NOS1AP: variants seen among roughly 807,000 people sequenced by gnomAD.
NOS1AP encodes the protein nitric oxide synthase 1 adaptor protein.
A neutral mutation model predicts 56.2 loss-of-function variants in NOS1AP; 21 were observed. The ratio of observed to expected loss-of-function variants is 0.37; its 90% CI spans 0.26 to 0.54. The LOEUF (loss-of-function observed/expected upper bound fraction) is 0.54, where lower values mean the gene tolerates loss of function less well. Ranked by LOEUF, NOS1AP falls within the 20% of genes least tolerant of loss-of-function variation. The probability of loss-of-function intolerance (pLI) is 0.84; values close to 1 mark genes in which losing one functional copy is unlikely to be tolerated. For missense variants in NOS1AP, 522 were observed against 657.8 expected (o/e 0.79, Z 2.26); for synonymous variants, 270 against 274.6 (o/e 0.98, Z 0.17).
chr1:162,129,478 A>G lies in NOS1AP; in HGVS notation c.106-24927A>G, dbSNP rs542755327. Reference sequence around the variant, plus strand: ...CCTCTCACGTTTTCCCTGCCTAAATATCCTTTGCTTCTATAGATCTATTTG... The same window carrying G: ...CCTCTCACGTTTTCCCTGCCTAAATGTCCTTTGCTTCTATAGATCTATTTG... On this transcript the variant is annotated intron_variant, in intron 1 of 9. Transcript: ENST00000361897. Among the ~76,000 whole-genome samples the G allele has an allele frequency of 8.3e-4, 126 of 152,186 alleles. 1 individual carries two copies. Among genetic ancestry groups the G allele is most frequent in the Admixed American group, 1.8e-3 (28 of 15,278 alleles).
intron 2 of NOS1AP, among the ~76,000 whole-genome samples, chr1:162,258,421 G>C (rs1292995217): frequency 1.3e-5 from 2 of 152,086 alleles, no homozygotes; most frequent in Admixed American, 1.3e-4. Flanking sequence ...ATTCCAAATG[G>C]GTGGGAGACA....
chr1:162,346,741 C>T (rs1657307779), intron 6 of NOS1AP, among the ~76,000 whole-genome samples: 1 of 152,172 alleles, frequency 6.6e-6, no homozygotes, highest in Admixed American at 6.5e-5. Context: ...TTATTTTCAT[C>T]CTAGTGCTCA....
rs61039086 is a variant in NOS1AP, at chr1:162,265,224, C to CT, written c.178-22107dup. ...CTTCTCCCTATTAAAGGGTCGTTTT[C>CT]TTTTTTTTTTTTTATTATTTTACTT... On this transcript the variant is annotated intron_variant, in intron 2 of 9. Transcript: ENST00000361897. 5.1e-3 allele frequency among the ~76,000 whole-genome samples: 761 copies of CT among 148,382 alleles called. 6 individuals carry two copies. The highest frequency in any genetic ancestry group is 0.017 in the African/African-American group (700 of 40,098).
intron 2 of NOS1AP, among the ~76,000 whole-genome samples, chr1:162,264,451 T>TCTCCTCTCCTCTCCTCTCC (rs1411025665): frequency 3.3e-4 from 6 of 18,212 alleles, no homozygotes; most frequent in African/African-American, 3.0e-3. Flanking sequence ...TTCTCTTCTC[T>TCTCCTCTCCTCTCCTCTCC]TCTCTTCTCT....
intron 8 of NOS1AP, chr1:162,365,047 T>C: frequency 8.6e-7 from 1 of 1,165,596 alleles, no homozygotes; most frequent in Non-Finnish European, 1.1e-6. Context: ...TAAGCAGGGA[T>C]GGAGCACCGT....
intron 3 of NOS1AP, among the ~76,000 whole-genome samples, chr1:162,289,695 G>A (rs1247826949): frequency 6.6e-6 from 1 of 151,736 alleles, no homozygotes; most frequent in Non-Finnish European, 1.5e-5. Flanking sequence ...AGGTGGTCTC[G>A]AACTCCTGAC....
At chr1:162,309,187 T>C (rs1255346207) in intron 4 of NOS1AP, among the ~76,000 whole-genome samples, 1 of 152,238 alleles carries the variant, frequency 6.6e-6, no homozygotes, top group Non-Finnish European at 1.5e-5. Flanking sequence ...ATGTAGTATG[T>C]TTCACTTAGT....
chr1:162,251,221 G>A (rs546824670), intron 2 of NOS1AP, among the ~76,000 whole-genome samples: 25 of 152,252 alleles, frequency 1.6e-4, no homozygotes, highest in African/African-American at 6.0e-4. Context: ...GCAATATGGT[G>A]TCATGCCATC....
At chr1:162,278,458 T>C (rs1051392455) in intron 2 of NOS1AP, among the ~76,000 whole-genome samples, 1 of 152,208 alleles carries the variant, frequency 6.6e-6, no homozygotes, top group Non-Finnish European at 1.5e-5. Flanking sequence ...ACAAGGTAAG[T>C]GTGGGATGTG....
chr1:162,163,432 A>G (rs1237585181), intron 2 of NOS1AP, among the ~76,000 whole-genome samples: 1 of 152,216 alleles, frequency 6.6e-6, no homozygotes, highest in Non-Finnish European at 1.5e-5. Flanking sequence ...TTGAAAAAAT[A>G]AATTGACTTC....
At chr1:162,138,318 C>T (rs1649090169) in intron 1 of NOS1AP, among the ~76,000 whole-genome samples, 1 of 152,030 alleles carries the variant, frequency 6.6e-6, no homozygotes, top group South Asian at 2.1e-4. Context: ...TACGTGGTTT[C>T]CCTTTGGCTT....
chr1:162,076,910 T>C (rs1691781706), intron 1 of NOS1AP, among the ~76,000 whole-genome samples: 1 of 152,226 alleles, frequency 6.6e-6, no homozygotes, highest in East Asian at 1.9e-4. Context: ...ATCTATAATT[T>C]ATCAGTACTT....
rs985138990 is a variant in NOS1AP at position 162,211,866 on chromosome 1, T to A, written c.177+57390T>A. 3.3e-5 allele frequency among the ~76,000 whole-genome samples: 5 copies of A among 152,158 alleles called. No homozygotes were observed. In the East Asian group the frequency reaches 7.7e-4, roughly 23 times the overall value. On this transcript the variant is annotated intron_variant, in intron 2 of 9. Coordinates refer to ENST00000361897, the MANE Select transcript of NOS1AP (RefSeq NM_014697.3). ...ATTAGCAGCAGCTGGCCCTGAATCA[T>A]CCTTGGGAGTGTTGTATATTTAAGT...
intron 3 of NOS1AP, among the ~76,000 whole-genome samples, chr1:162,292,969 G>A (rs1655326383): frequency 6.6e-6 from 1 of 152,208 alleles, no homozygotes; most frequent in African/African-American, 2.4e-5. Flanking sequence ...GCCAGGGTGT[G>A]AATCTAGGCC....
chr1:162,136,536 A>C (rs1012958571), intron 1 of NOS1AP, among the ~76,000 whole-genome samples: 10 of 152,180 alleles, frequency 6.6e-5, no homozygotes, highest in Non-Finnish European at 1.5e-5. Context: ...TGAGAATGTA[A>C]AATTAGAACT....
At chr1:162,270,685 T>C (rs941014049) in intron 2 of NOS1AP, among the ~76,000 whole-genome samples, 3 of 152,230 alleles carry the variant, frequency 2.0e-5, no homozygotes, top group Non-Finnish European at 4.4e-5. Context: ...AGACAGTGAA[T>C]AAGCCACTGT....
intron 2 of NOS1AP, among the ~76,000 whole-genome samples, chr1:162,159,415 A>G (rs1354413464): frequency 6.6e-6 from 1 of 152,112 alleles, no homozygotes; most frequent in Non-Finnish European, 1.5e-5. Flanking sequence ...CATTTTATAA[A>G]CCATAAAGTG....
At chr1:162,287,798 G>A (rs751632264) in intron 3 of NOS1AP, among the ~76,000 whole-genome samples, 3 of 152,324 alleles carry the variant, frequency 2.0e-5, no homozygotes, top group South Asian at 2.1e-4. Flanking sequence ...GGATTGGGCA[G>A]CGAGAGGAGG....
intron 2 of NOS1AP, among the ~76,000 whole-genome samples, chr1:162,184,751 C>G (rs750729253): frequency 6.6e-6 from 1 of 152,176 alleles, no homozygotes; most frequent in East Asian, 1.9e-4. Context: ...CCAGTAGTTC[C>G]CCTGAGACTG....
Sources: allele counts gnomAD v4.1 joint callset (sites outside exome capture counted in the v4.1 genomes callset), GRCh38; gene constraint gnomAD v4.1.1; transcripts MANE v1.5; gene names NCBI Gene and HGNC (gene_info 2026-07-23, HGNC 2026-07-21).